Variants in FRAS1 observed in about 807,000 individuals in gnomAD.
FRAS1 encodes the protein Fraser extracellular matrix complex subunit 1, also known as extracellular matrix organizing protein FRAS1.
Under a neutral mutation model 435.2 loss-of-function variants are expected in FRAS1, and 290 were observed. The ratio of observed to expected loss-of-function variants is 0.67; its 90% CI spans 0.61 to 0.73. FRAS1 has a LOEUF of 0.73. FRAS1 is among the 30% of genes least tolerant of loss of function. The pLI is 0.00. For missense variants in FRAS1, 4,860 were observed against 5,001.5 expected (o/e 0.97, Z 0.85); for synonymous variants, 1,800 against 1,851.0 (o/e 0.97, Z 0.71).
At chr4:78,520,614 T>G (rs1721356951) in intron 67 of FRAS1, among the ~76,000 whole-genome samples, 1 of 113,304 alleles carries the variant, frequency 8.8e-6, no homozygotes, top group Non-Finnish European at 2.3e-5. Flanking sequence ...CTCTAGATTA[T>G]TTATAAACCT....
At chr4:78,125,469 A>T (rs532442851) in intron 2 of FRAS1, among the ~76,000 whole-genome samples, 1 of 152,236 alleles carries the variant, frequency 6.6e-6, no homozygotes, top group African/African-American at 2.4e-5. Context: ...TGTTCTGTTG[A>T]TTTGGGGTGG....
chr4:78,288,692 AAACAG>A (rs1050711962), intron 14 of FRAS1, among the ~76,000 whole-genome samples: 13 of 152,308 alleles, frequency 8.5e-5, no homozygotes, highest in Admixed American at 4.6e-4. Flanking sequence ...GAGAAAAAAA[AAACAG>A]AGCAAAAGGA....
chr4:78,447,954 A>G, intron 43 of FRAS1, 99 bp from the exon 44 acceptor site: 2 of 1,143,000 alleles, frequency 1.7e-6, no homozygotes, highest in South Asian at 3.4e-5. Flanking sequence ...TTGACATTCT[A>G]CCCAGACTCA....
chr4:78,529,130 G>C (rs986816081), intron 70 of FRAS1, among the ~76,000 whole-genome samples: 1 of 152,072 alleles, frequency 6.6e-6, no homozygotes, highest in African/African-American at 2.4e-5. Context: ...GGAACTGGGA[G>C]TCTGGGGTAG....
chr4:78,112,536 A>G (rs1227971337), intron 2 of FRAS1, among the ~76,000 whole-genome samples: 1 of 152,118 alleles, frequency 6.6e-6, no homozygotes, highest in African/African-American at 2.4e-5. Flanking sequence ...CTATTAATGC[A>G]AATCATTAAT....
At chr4:78,443,504 G>A (rs1431293489) in intron 41 of FRAS1, among the ~76,000 whole-genome samples, 2 of 152,210 alleles carry the variant, frequency 1.3e-5, no homozygotes, top group African/African-American at 4.8e-5. Flanking sequence ...CTAATGGCAT[G>A]GAGCCTGAAT....
intron 2 of FRAS1, 110 bp downstream of exon 2, chr4:78,066,126 T>C (rs941225423): frequency 2.5e-6 from 2 of 801,116 alleles, no homozygotes. Flanking sequence ...TTTATTTTTC[T>C]TCAACGTTTG....
intron 27 of FRAS1, among the ~76,000 whole-genome samples, chr4:78,381,899 T>C (rs1199209143): frequency 9.6e-5 from 2 of 20,766 alleles, no homozygotes; most frequent in East Asian, 1.8e-3. Flanking sequence ...TAATAAAAAT[T>C]CAGCAAAAGA....
At chr4:78,190,943 G>A (rs1722505511) in intron 2 of FRAS1, among the ~76,000 whole-genome samples, 1 of 152,146 alleles carries the variant, frequency 6.6e-6, no homozygotes. Flanking sequence ...CATAAGAGTG[G>A]GATCTTGATC....
rs1727177964 is a variant in FRAS1 at position 78,278,683 on chromosome 4, A to G, written c.1010A>G (p.Lys337Arg). The G allele has an allele frequency of 6.2e-7, 1 of 1,605,614 alleles. No homozygotes were observed. Among genetic ancestry groups the G allele is most frequent in the Non-Finnish European group, 8.5e-7 (1 of 1,172,658 alleles). The change falls in exon 10 of 74, where the codon AAG becomes AGG. Residue 337 changes from lysine (K) to arginine (R), a missense_variant. Lys to Arg is a conservative substitution (Grantham distance 26, BLOSUM62 2). Coordinates refer to ENST00000512123, the MANE Select transcript of FRAS1 (RefSeq NM_025074.7). ...GAAGAATTAATTCACTTAGATGGAA[A>G]GTGTTGTCCTGAATGCATTTCAAGG... ...RDEELIHLDG[K>R]CCPECISRNG... is the part of the protein sequence containing the mutation.
chr4:78,470,148 C>A, intron 51 of FRAS1, 57 bp downstream of exon 51: 2 of 1,099,358 alleles, frequency 1.8e-6, no homozygotes, highest in East Asian at 2.5e-5. Flanking sequence ...CATCCTTCTT[C>A]ACGACAATGA....
chr4:78,528,638 A>G (rs1045527592), intron 70 of FRAS1, among the ~76,000 whole-genome samples: 6 of 152,292 alleles, frequency 3.9e-5, no homozygotes, highest in African/African-American at 1.4e-4. Context: ...GATTTACTAC[A>G]GTTTGTTTAT....
intron 27 of FRAS1, 124 bp downstream of exon 27, chr4:78,380,120 C>A: frequency 9.6e-7 from 1 of 1,038,502 alleles, no homozygotes; most frequent in Non-Finnish European, 1.4e-6. Flanking sequence ...GATCAATACT[C>A]CACAAGCCCA....
At chr4:78,507,704 C>A in intron 62 of FRAS1, 96 bp downstream of exon 62, 1 of 1,204,336 alleles carries the variant, frequency 8.3e-7, no homozygotes, top group Non-Finnish European at 1.1e-6. Context: ...TCTTCTAACC[C>A]AGTGGTTCCC....
chr4:78,215,912 G>A (rs1723748008), intron 2 of FRAS1, among the ~76,000 whole-genome samples: 1 of 152,230 alleles, frequency 6.6e-6, no homozygotes, highest in Admixed American at 6.5e-5. Context: ...TGCTATGAAT[G>A]TGGGTGTGCA....
At chr4:78,416,080 A>G (rs1456710450) in intron 32 of FRAS1, among the ~76,000 whole-genome samples, 2 of 152,246 alleles carry the variant, frequency 1.3e-5, no homozygotes, top group Non-Finnish European at 2.9e-5. Context: ...AGACGTACAC[A>G]CACAGAGAGA....
chr4:78,477,934 A>C lies in FRAS1; in HGVS notation c.7971A>C (p.Leu2657Phe). Residue 2657 changes from leucine to phenylalanine, a missense_variant, in exon 55 of 74, where the codon TTA becomes TTC. Physicochemically the swap from Leu to Phe is conservative, Grantham distance 22. Coordinates refer to ENST00000512123, the MANE Select transcript of FRAS1 (RefSeq NM_025074.7). The stretch of plus-strand genomic sequence containing the variant: ...TCAGCATGCCAGCTTATGCCCTGTT[A>C]GGGGAATTCACCCAGGCGAAGGTCA... ...VELSMPAYAL[L>F]GEFTQAKVII... The C allele has an allele frequency of 6.2e-7, 1 of 1,613,614 alleles. No homozygotes were observed. The highest frequency in any genetic ancestry group is 8.5e-7 in the Non-Finnish European group (1 of 1,179,774).
chr4:78,458,518 T>C (rs1341845135), intron 47 of FRAS1, among the ~76,000 whole-genome samples: 1 of 152,100 alleles, frequency 6.6e-6, no homozygotes, highest in Non-Finnish European at 1.5e-5. Context: ...CTGGGTATGC[T>C]TGGACATAGA....
chr4:78,209,397 G>T (rs537366037), intron 2 of FRAS1, among the ~76,000 whole-genome samples: 75 of 152,280 alleles, frequency 4.9e-4, no homozygotes, highest in African/African-American at 1.8e-3. Context: ...AGACTAGGGG[G>T]TGGCAGGAGA....
Sources: allele counts gnomAD v4.1 joint callset (sites outside exome capture counted in the v4.1 genomes callset), GRCh38; gene constraint gnomAD v4.1.1; transcripts MANE v1.5; gene names NCBI Gene and HGNC (gene_info 2026-07-23, HGNC 2026-07-21).